The following HOOK1 variants were observed in gnomAD, a reference collection of about 807,000 sequenced individuals.
The protein encoded by HOOK1 is protein Hook homolog 1.
HOOK1 carries 60 observed loss-of-function variants against 112.8 expected under a neutral mutation model. The observed-to-expected ratio is 0.53, with a 90% CI of 0.43 to 0.66. The LOEUF (loss-of-function observed/expected upper bound fraction) is 0.66. HOOK1 is among the 30% of genes least tolerant of loss of function. The probability of loss-of-function intolerance (pLI) is 0.00; values close to 1 mark genes in which losing one functional copy is unlikely to be tolerated. For missense variants in HOOK1, 770 were observed against 856.0 expected (o/e 0.90, Z 1.25); for synonymous variants, 294 against 283.8 (o/e 1.04, Z -0.36).
rs867721033 is a variant in HOOK1 at position 59,815,110 on chromosome 1, C to T, written c.-8C>T. The T allele has an allele frequency of 1.3e-6, 2 of 1,539,878 alleles. No individual in the cohort carries two copies. Among genetic ancestry groups the T allele is most frequent in the Non-Finnish European group, 8.7e-7 (1 of 1,146,270 alleles). ...GTGTCCGCGGCGTCGTCGACGGCGG[C>T]GCCGGCCATGGAGGAGACGCAGCCG... On this transcript the variant is annotated 5_prime_UTR_variant, in exon 1 of 22. Coordinates refer to ENST00000371208, the MANE Select transcript of HOOK1 (RefSeq NM_015888.6).
intron 2 of HOOK1, among the ~76,000 whole-genome samples, chr1:59,822,499 T>C (rs1248790709): frequency 6.6e-6 from 1 of 152,184 alleles, no homozygotes; most frequent in Non-Finnish European, 1.5e-5. Flanking sequence ...AGTGGTTGTG[T>C]TTAGGCTGGA....
intron 2 of HOOK1, 46 bp from the exon 3 acceptor site, chr1:59,828,734 A>G (rs114352363): frequency 1.3e-6 from 2 of 1,558,430 alleles, no homozygotes; most frequent in African/African-American, 2.7e-5. Flanking sequence ...TTTTTTGTGT[A>G]ATAAAAACAT....
rs764797480 is a variant in HOOK1 at position 59,833,432 on chromosome 1, C to G, written c.301C>G (p.Leu101Val). Reference sequence around the variant, plus strand: ...TTTGGGGCAGCAGATTTCAGAAGCACTTATCCCTGATTTAAACCAAATAAC... The same window carrying G: ...TTTGGGGCAGCAGATTTCAGAAGCAGTTATCCCTGATTTAAACCAAATAAC... Reference protein sequence around the residue: ...EFLGQQISEALIPDLNQITEC... With the variant: ...EFLGQQISEAVIPDLNQITEC... The change falls in exon 5 of 22, where the codon CTT becomes GTT. Residue 101 changes from leucine to valine, a missense_variant. Leu to Val is a conservative substitution (Grantham distance 32). Around this residue, in one of 3 missense-constraint regions of HOOK1, gnomAD observed 655 missense variants for 725.9 expected, o/e 0.90. Transcript: ENST00000371208. 2 of 1,559,154 alleles carry G rather than the reference C, an allele frequency of 1.3e-6. No individual in the cohort carries two copies. Among genetic ancestry groups the G allele is most frequent in the African/African-American group, 1.3e-5 (1 of 74,084 alleles).
Position 59,821,679 on chromosome 1 carries a change from C to T in HOOK1, c.64-179C>T, listed in dbSNP as rs192850053. ...TTTAGTTTATTTTTATAAAGTTACA[C>T]AGCCATAGAGACATATTAGCATAGT... On this transcript the variant is annotated intron_variant, in intron 1 of 21. Transcript: ENST00000371208. 5.9e-3 allele frequency among the ~76,000 whole-genome samples: 903 copies of T among 151,926 alleles called. 5 individuals are homozygous for T. The highest frequency in any genetic ancestry group is 6.8e-3 in the Non-Finnish European group (465 of 67,952).
intron 9 of HOOK1, among the ~76,000 whole-genome samples, chr1:59,846,304 G>C (rs1393399950): frequency 6.6e-6 from 1 of 151,490 alleles, no homozygotes; most frequent in Non-Finnish European, 1.5e-5. Flanking sequence ...TATTGCTTGG[G>C]TTTTCTTTCA....
intron 10 of HOOK1, 126 bp from the exon 11 acceptor site, chr1:59,848,189 A>T: frequency 3.1e-6 from 2 of 640,730 alleles, no homozygotes; most frequent in South Asian, 4.9e-5. Context: ...TCCTCTTCTC[A>T]CTCACTCACA....
At chr1:59,841,438 T>G (rs776095521) in intron 8 of HOOK1, among the ~76,000 whole-genome samples, 7 of 152,090 alleles carry the variant, frequency 4.6e-5, no homozygotes, top group Non-Finnish European at 1.0e-4. Context: ...AAAGACTTGG[T>G]TAGGGTGACT....
intron 9 of HOOK1, among the ~76,000 whole-genome samples, chr1:59,846,213 CATG>C: frequency 6.6e-6 from 1 of 151,834 alleles, no homozygotes; most frequent in African/African-American, 2.4e-5. Flanking sequence ...AATTTATCGA[CATG>C]AAGTTGTTCA....
chr1:59,835,766 A>G (rs2098397181), intron 6 of HOOK1, among the ~76,000 whole-genome samples: 1 of 152,130 alleles, frequency 6.6e-6, no homozygotes, highest in African/African-American at 2.4e-5. Context: ...TCCACCTCAG[A>G]TAATCAGGCA....
At position 59,848,378 on chromosome 1, in the gene HOOK1, A is replaced by C; in HGVS notation, c.993A>C (p.Gln331His). 1 of 1,611,428 alleles carries C rather than the reference A, an allele frequency of 6.2e-7. No homozygotes were observed. Among genetic ancestry groups the C allele is most frequent in the African/African-American group, 1.3e-5 (1 of 74,908 alleles). ...STVEIYRQKL[Q>H]DLNDLRKQVK... is the part of the protein sequence containing the mutation. Reference sequence around the variant, plus strand: ...TTGAGATATATCGTCAGAAGCTACAAGATCTGAATGACCTTCGCAAGCAGG... The same window carrying C: ...TTGAGATATATCGTCAGAAGCTACACGATCTGAATGACCTTCGCAAGCAGG... The change falls in exon 11 of 22, where the codon CAA becomes CAC. Residue 331 changes from glutamine to histidine, a missense_variant. By Grantham distance (24) the Gln-to-His change is conservative. Around this residue, in one of 3 missense-constraint regions of HOOK1, gnomAD observed 655 missense variants for 725.9 expected, o/e 0.90. Transcript: ENST00000371208.
intron 14 of HOOK1, 25 bp downstream of exon 14, chr1:59,859,070 G>T (rs751089741): frequency 5.1e-5 from 59 of 1,167,580 alleles, no homozygotes; most frequent in Non-Finnish European, 2.5e-5. Flanking sequence ...TAATTTGATA[G>T]AATTATATTT....
Position 59,834,649 on chromosome 1 carries a change from T to A in HOOK1, c.407-696T>A, listed in dbSNP as rs1029879517. The stretch of plus-strand genomic sequence containing the variant: ...ACAAGTAGTAATTTATTTATAAATC[T>A]AGTAATTTTTTGTTGTAATCGTGAT... On this transcript the variant is annotated intron_variant, in intron 5 of 21. Coordinates refer to ENST00000371208, the MANE Select transcript of HOOK1 (RefSeq NM_015888.6). 1.2e-4 allele frequency among the ~76,000 whole-genome samples: 19 copies of A among 152,264 alleles called. No homozygotes were observed. In the South Asian group the frequency reaches 2.3e-3, roughly 18 times the overall value.
At chr1:59,867,639 T>G (rs1643989770) in intron 19 of HOOK1, among the ~76,000 whole-genome samples, 2 of 152,342 alleles carry the variant, frequency 1.3e-5, no homozygotes, top group South Asian at 4.1e-4. Flanking sequence ...CTCCATAGTT[T>G]AGCTGAATCT....
chr1:59,868,666 A>T (rs550891688), intron 20 of HOOK1, among the ~76,000 whole-genome samples: 1 of 152,326 alleles, frequency 6.6e-6, no homozygotes, highest in Admixed American at 6.5e-5. Context: ...ATATGATTTC[A>T]TCTGGGGGAT....
intron 6 of HOOK1, 106 bp downstream of exon 6, chr1:59,835,518 GT>G: frequency 1.4e-6 from 1 of 692,388 alleles, no homozygotes; most frequent in Non-Finnish European, 2.5e-6. Flanking sequence ...TTTGTTGTAA[GT>G]TTACTTCCCC....
intron 1 of HOOK1, among the ~76,000 whole-genome samples, chr1:59,816,290 T>A (rs576284200): frequency 6.6e-6 from 1 of 152,248 alleles, no homozygotes; most frequent in Non-Finnish European, 1.5e-5. Context: ...AGTAAATAAC[T>A]TTTGCTTTTA....
intron 12 of HOOK1, among the ~76,000 whole-genome samples, chr1:59,854,503 T>G (rs529206072): frequency 6.6e-6 from 1 of 151,428 alleles, no homozygotes; most frequent in African/African-American, 2.4e-5. Flanking sequence ...TCTCTGTTGT[T>G]TTTTTTTTAC....
intron 9 of HOOK1, among the ~76,000 whole-genome samples, chr1:59,846,751 T>G (rs1436571199): frequency 6.6e-6 from 1 of 151,518 alleles, no homozygotes; most frequent in African/African-American, 2.4e-5. Flanking sequence ...CTGTTGTGAT[T>G]TTTTTTCTTG....
At chr1:59,840,797 T>C (rs2102032101) in intron 8 of HOOK1, among the ~76,000 whole-genome samples, 1 of 152,280 alleles carries the variant, frequency 6.6e-6, no homozygotes, top group East Asian at 1.9e-4. Context: ...TTCATATTTA[T>C]GTATGTAGTC....
Sources: gnomAD v4.1 joint callset for allele counts (sites outside exome capture counted in the v4.1 genomes callset) on GRCh38, gnomAD v4.1.1 for gene constraint, gnomAD v4.1.1 regional missense constraint, MANE v1.5 for transcripts, NCBI Gene and HGNC (gene_info 2026-07-23, HGNC 2026-07-21) for gene names.